KCNK9: variants seen among roughly 807,000 people sequenced by gnomAD.
KCNK9 encodes potassium two pore domain channel subfamily K member 9.
A neutral mutation model predicts 10.8 loss-of-function variants in KCNK9; 1 was observed. The ratio of observed to expected loss-of-function variants is 0.09; its 90% CI spans 0.03 to 0.44. The LOEUF is 0.44. Ranked by LOEUF, KCNK9 falls within the 20% of genes least tolerant of loss-of-function variation. The pLI, the probability that KCNK9 is intolerant of heterozygous loss-of-function variation, is 0.97. For synonymous variants in KCNK9, 231 were observed against 222.7 expected (o/e 1.04, Z -0.33); for missense variants, 303 against 515.0 (o/e 0.59, Z 3.98).
intron 1 of KCNK9, among the ~76,000 whole-genome samples, chr8:139,623,313 A>AG (rs1295042877): frequency 6.6e-6 from 1 of 152,148 alleles, no homozygotes; most frequent in Non-Finnish European, 1.5e-5. Context: ...TCACCCGCCC[A>AG]GGGGTCAGAA....
At chr8:139,605,664 T>C (rs758629290) in intron 2 of KCNK9, among the ~76,000 whole-genome samples, 4 of 152,132 alleles carry the variant, frequency 2.6e-5, no homozygotes, top group Non-Finnish European at 5.9e-5. Flanking sequence ...TGGAAAAAAA[T>C]TAGAAAAATG....
downstream of KCNK9, among the ~76,000 whole-genome samples, chr8:139,608,356 T>G (rs1239546720): frequency 6.6e-6 from 1 of 152,202 alleles, no homozygotes; most frequent in African/African-American, 2.4e-5. Flanking sequence ...CAGCAGCATC[T>G]GCAGAACAGG....
At chr8:139,648,575 C>T (rs113705740) in intron 1 of KCNK9, among the ~76,000 whole-genome samples, 22 of 152,202 alleles carry the variant, frequency 1.4e-4, no homozygotes, top group African/African-American at 4.1e-4. Context: ...TTCAGGAACT[C>T]GCCGGTCCCT....
intron 1 of KCNK9, among the ~76,000 whole-genome samples, chr8:139,672,344 G>T (rs1191953085): frequency 1.3e-5 from 2 of 152,168 alleles, no homozygotes; most frequent in African/African-American, 2.4e-5. Flanking sequence ...CGTGGTGGCA[G>T]GCTAAGCCCA....
intron 1 of KCNK9, among the ~76,000 whole-genome samples, chr8:139,675,346 T>G (rs2129746185): frequency 6.6e-6 from 1 of 152,338 alleles, no homozygotes; most frequent in East Asian, 1.9e-4. Context: ...GTGGACTCAG[T>G]GTGTCCCCTA....
Position 139,617,397 on chromosome 8 carries a change from T to G in KCNK9, c.*861A>C, listed in dbSNP as rs917140379. Among the ~76,000 whole-genome samples, 1 of 152,198 alleles carries G rather than the reference T, an allele frequency of 6.6e-6. No homozygotes were observed. The highest frequency in any genetic ancestry group is 2.4e-5 in the African/African-American group (1 of 41,442). On this transcript the variant is annotated 3_prime_UTR_variant, in exon 2 of 2. Coordinates refer to ENST00000520439, the MANE Select transcript of KCNK9 (RefSeq NM_001282534.2). ...ATTAAAAATGTCTTTTATAAGTTAA[T>G]GTTATTGGCTTTGGATTATTCCATT...
chr8:139,667,403 A>G (rs935771564), intron 1 of KCNK9, among the ~76,000 whole-genome samples: 16 of 152,216 alleles, frequency 1.1e-4, no homozygotes, highest in Non-Finnish European at 1.2e-4. Flanking sequence ...ATGTGCATAA[A>G]AACGGTCCCC....
chr8:139,676,673 G>A (rs546120593), intron 1 of KCNK9, among the ~76,000 whole-genome samples: 2 of 152,298 alleles, frequency 1.3e-5, no homozygotes, highest in South Asian at 2.1e-4. Context: ...AATCATGGCC[G>A]AGCACGGTGG....
chr8:139,652,610 C>T (rs1432588305), intron 1 of KCNK9, among the ~76,000 whole-genome samples: 4 of 152,208 alleles, frequency 2.6e-5, no homozygotes, highest in East Asian at 1.9e-4. Flanking sequence ...ATTCTCCTGC[C>T]GGGAGCTGAA....
chr8:139,700,534 A>ACGCGCG (rs1563757402), intron 1 of KCNK9, among the ~76,000 whole-genome samples: 53 of 124,534 alleles, frequency 4.3e-4, no homozygotes, highest in African/African-American at 1.7e-3. Context: ...ACACACACAC[A>ACGCGCG]CACACGCGCG....
At chr8:139,621,435 G>A (rs1814777851) in intron 1 of KCNK9, among the ~76,000 whole-genome samples, 1 of 152,098 alleles carries the variant, frequency 6.6e-6, no homozygotes, top group East Asian at 1.9e-4. Context: ...AATGAAAGTA[G>A]CCAGAGAGAA....
chr8:139,703,098 G>GCCTCCT lies in KCNK9; in HGVS notation c.-107_-106insAGGAGG. 1.0e-6 allele frequency: 1 copy of GCCTCCT among 956,152 alleles called. No homozygotes were observed. Among genetic ancestry groups the GCCTCCT allele is most frequent in the Non-Finnish European group, 1.3e-6 (1 of 740,922 alleles). The allele number at this position is 956,152 out of a possible 1,614,324, so 59.2% of individuals were successfully genotyped here. On this transcript the variant is annotated 5_prime_UTR_variant, in exon 1 of 2. Transcript: ENST00000520439. The surrounding 1 kb of genome is among the most constrained non-coding windows in gnomAD (Gnocchi z 6.4). The stretch of plus-strand genomic sequence containing the variant: ...CGCCGCCGCCTCCTCCTCCGCCGCC[G>GCCTCCT]CCGCCGCCGCCTCCAAGTTGTAAGC...
At chr8:139,608,663 C>G (rs1814315203), downstream of KCNK9, among the ~76,000 whole-genome samples, 1 of 152,142 alleles carries the variant, frequency 6.6e-6, no homozygotes, top group South Asian at 2.1e-4. Flanking sequence ...CGCCCTCCAG[C>G]CACATTCTAC....
At chr8:139,613,097 T>C (rs1407370587), downstream of KCNK9, among the ~76,000 whole-genome samples, 2 of 152,230 alleles carry the variant, frequency 1.3e-5, no homozygotes, top group African/African-American at 4.8e-5. Context: ...GGCGTGACAA[T>C]GGCACCGTTA....
At chr8:139,700,696 G>C (rs773104425) in intron 1 of KCNK9, among the ~76,000 whole-genome samples, 2 of 152,074 alleles carry the variant, frequency 1.3e-5, no homozygotes, top group African/African-American at 4.8e-5. Flanking sequence ...AGGCGAAGCC[G>C]ACACCCTCCA....
chr8:139,686,506 T>C (rs959407721), intron 1 of KCNK9, among the ~76,000 whole-genome samples: 7 of 152,146 alleles, frequency 4.6e-5, no homozygotes, highest in Admixed American at 1.3e-4. Flanking sequence ...AACAGACATA[T>C]GAAAAAATGC....
At chr8:139,659,862 G>C (rs1308011093) in intron 1 of KCNK9, among the ~76,000 whole-genome samples, 3 of 151,922 alleles carry the variant, frequency 2.0e-5, no homozygotes. Flanking sequence ...CAATGATCAA[G>C]TATACTGCCT....
intron 1 of KCNK9, among the ~76,000 whole-genome samples, chr8:139,657,028 G>A (rs1252362335): frequency 3.3e-5 from 5 of 152,140 alleles, no homozygotes; most frequent in Admixed American, 6.5e-5. Flanking sequence ...ACCTTTGCAG[G>A]TGCTATGTCC....
In KCNK9 at chr8:139,693,406, C is replaced by T. The variant is rs1816976548; in HGVS notation, c.283+9304G>A. On this transcript the variant is annotated intron_variant, in intron 1 of 1. Coordinates refer to ENST00000520439, the MANE Select transcript of KCNK9 (RefSeq NM_001282534.2). The surrounding 1 kb of genome is among the most constrained non-coding windows in gnomAD (Gnocchi z 4.1). ...TGAGTTCAAAAGGCTGCAGCCTGTC[C>T]TGCACCTACCCAGTGGTCCCAAGGC... Among the ~76,000 whole-genome samples, 1 of 152,062 alleles carries T rather than the reference C, an allele frequency of 6.6e-6. No individual in the cohort carries two copies. The highest frequency in any genetic ancestry group is 6.6e-5 in the Admixed American group (1 of 15,264).
Sources: allele counts gnomAD v4.1 joint callset (sites outside exome capture counted in the v4.1 genomes callset), GRCh38; gene constraint gnomAD v4.1.1; non-coding constraint Gnocchi (gnomAD v3.1); transcripts MANE v1.5; gene names NCBI Gene and HGNC (gene_info 2026-07-23, HGNC 2026-07-21).